Variants in TUT7 observed in about 807,000 individuals in gnomAD.
TUT7 encodes the protein terminal uridylyl transferase 7, also known as terminal uridylyltransferase 7.
TUT7 carries 33 observed loss-of-function variants against 165.9 expected under a neutral mutation model. That is an observed-to-expected ratio of 0.20 (90% CI 0.15 to 0.27). TUT7 has a LOEUF of 0.27. Among genes scored for constraint, TUT7 ranks in the 10% least tolerant of loss-of-function variants. The pLI, the probability that TUT7 is intolerant of heterozygous loss-of-function variation, is 1.00. For missense variants in TUT7, 1,338 were observed against 1,762.3 expected, an observed-to-expected ratio of 0.76 and a Z score of 4.31; for synonymous variants, 552 against 608.1, an observed-to-expected ratio of 0.91 and a Z score of 1.36.
rs185063344 is a variant in TUT7 at position 86,331,806 on chromosome 9, A to C, written c.1456-3314T>G. 1.6e-3 allele frequency among the ~76,000 whole-genome samples: 239 copies of C among 152,352 alleles called. 6 individuals are homozygous for C. In the East Asian group the frequency reaches 0.033, roughly 21 times the overall value. ...GAAGAATTTTTGCATAGCCCTATCAACAGAGTAAACAGACAACCTACAGAA... is the reference window on the plus strand; with the variant it reads ...GAAGAATTTTTGCATAGCCCTATCACCAGAGTAAACAGACAACCTACAGAA... On this transcript the variant is annotated intron_variant, in intron 10 of 26. Coordinates refer to ENST00000375963, the MANE Select transcript of TUT7 (RefSeq NM_024617.4).
At chr9:86,324,045 T>C (rs888526028) in intron 12 of TUT7, 85 bp from the exon 13 acceptor site, 16 of 1,168,184 alleles carry the variant, frequency 1.4e-5, no homozygotes, top group Admixed American at 6.8e-5. Flanking sequence ...CTGCTGCAGA[T>C]AAAAACAGAC....
Position 86,303,120 on chromosome 9 carries a change from C to T in TUT7, c.4060G>A (p.Gly1354Arg), listed in dbSNP as rs754226413. ...DRCCRICGKI[G>R]HFMKDCPMRR... is the part of the protein sequence containing the mutation. Reference sequence around the variant, plus strand: ...ATAGGACAGTCCTTCATGAAGTGTCCGATTTTTCCACAAATTCGACAACAT... The same window carrying T: ...ATAGGACAGTCCTTCATGAAGTGTCTGATTTTTCCACAAATTCGACAACAT... Residue 1354 changes from glycine (G) to arginine (R), a missense_variant, in exon 25 of 27, where the codon GGA becomes AGA. This residue lies in a region of TUT7 where 167 missense variants were observed against 204.9 expected (regional missense o/e 0.82). Transcript: ENST00000375963. 17 of 1,609,550 alleles carry T rather than the reference C, an allele frequency of 1.1e-5. No individual in the cohort carries two copies. Among genetic ancestry groups the T allele is most frequent in the Admixed American group, 1.7e-5 (1 of 59,484 alleles).
chr9:86,317,941 A>G (rs543990199), intron 16 of TUT7, among the ~76,000 whole-genome samples: 1 of 152,312 alleles, frequency 6.6e-6, no homozygotes, highest in African/African-American at 2.4e-5. Context: ...ATAAATAAAT[A>G]AATAAACCTT....
intron 9 of TUT7, among the ~76,000 whole-genome samples, chr9:86,337,807 T>C (rs1490141192): frequency 1.3e-5 from 2 of 152,248 alleles, no homozygotes; most frequent in African/African-American, 4.8e-5. Context: ...TTTCCTATTT[T>C]ATTTTTTGAT....
At chr9:86,300,024 A>C (rs995711252) in intron 26 of TUT7, among the ~76,000 whole-genome samples, 1 of 152,250 alleles carries the variant, frequency 6.6e-6, no homozygotes, top group Non-Finnish European at 1.5e-5. Context: ...CTCATAGTGA[A>C]TGCTCAATGA....
rs1032808865 is a variant in TUT7 at position 86,295,017 on chromosome 9, C to A, written c.4420+6259G>T. 2.0e-5 allele frequency among the ~76,000 whole-genome samples: 3 copies of A among 151,866 alleles called. 1 individual carries two copies. In the South Asian group the frequency reaches 6.2e-4, roughly 32 times the overall value. On this transcript the variant is annotated intron_variant, in intron 26 of 26. Transcript: ENST00000375963. Reference sequence around the variant, plus strand: ...AAATTCAATTTATAGAAAATAGGGCCTAGCTTGTTGCCCCTGTCATTTTTG... The same window carrying A: ...AAATTCAATTTATAGAAAATAGGGCATAGCTTGTTGCCCCTGTCATTTTTG...
At chr9:86,345,635 G>T in intron 4 of TUT7, 34 bp downstream of exon 4, 2 of 1,474,456 alleles carry the variant, frequency 1.4e-6, no homozygotes, top group South Asian at 2.3e-5. Context: ...CAACTAACAA[G>T]TAAGCAGACT....
chr9:86,341,142 T>C, intron 6 of TUT7, 89 bp from the exon 7 acceptor site: 2 of 1,077,064 alleles, frequency 1.9e-6, no homozygotes, highest in South Asian at 2.6e-5. Flanking sequence ...CCCAAATTCC[T>C]TTCTAAATGA....
At chr9:86,309,818 A>T in intron 19 of TUT7, 110 bp downstream of exon 19, 1 of 1,134,956 alleles carries the variant, frequency 8.8e-7, no homozygotes, top group Non-Finnish European at 1.3e-6. Flanking sequence ...AAATAGCTAC[A>T]TGAAGCATTT....
At chr9:86,321,729 A>T (rs700767) in intron 14 of TUT7, among the ~76,000 whole-genome samples, 84,495 of 151,896 alleles carry the variant, frequency 0.56, 23,712 homozygotes, top group African/African-American at 0.56. Flanking sequence ...ACCCTGTCTC[A>T]CCATCACCCT....
rs781686104 is a variant in TUT7, at chr9:86,337,408, A to T, written c.1455+11T>A. The T allele has an allele frequency of 1.2e-5, 19 of 1,595,538 alleles. No individual in the cohort carries two copies. The African/African-American group carries it at 2.2e-4, about 18-fold the overall frequency. ...CTGTTCAGATATATAAGCAAAAAAA[A>T]TGTTTTATACCCATGATCCTAGATA... On this transcript the variant is annotated intron_variant, in intron 10 of 26. Transcript: ENST00000375963.
Position 86,340,102 on chromosome 9 carries a change from G to A in TUT7, c.1142C>T (p.Ser381Phe), listed in dbSNP as rs757292298. 1 of 1,613,174 alleles carries A rather than the reference G, an allele frequency of 6.2e-7. No individual in the cohort carries two copies. Among genetic ancestry groups the A allele is most frequent in the Non-Finnish European group, 8.5e-7 (1 of 1,179,328 alleles). Residue 381 changes from serine (S) to phenylalanine (F), a missense_variant, in exon 8 of 27, where the codon TCC becomes TTC. Transcript: ENST00000375963. ...GAAGTCTGCATCAACATCAATAAAGGAGTCTGAGGAAAGAAGAAGAAAAAT... is the reference window on the plus strand; with the variant it reads ...GAAGTCTGCATCAACATCAATAAAGAAGTCTGAGGAAAGAAGAAGAAAAAT... ...LVQECLKNSD[S>F]FIDVDADFHA... is the part of the protein sequence containing the mutation.
intron 11 of TUT7, among the ~76,000 whole-genome samples, chr9:86,325,986 C>T (rs1829753390): frequency 6.6e-6 from 1 of 152,204 alleles, no homozygotes; most frequent in Non-Finnish European, 1.5e-5. Context: ...CACATTGACT[C>T]TGTCAGTGAC....
At chr9:86,306,138 AAAC>A (rs1166067215) in intron 22 of TUT7, among the ~76,000 whole-genome samples, 1 of 152,140 alleles carries the variant, frequency 6.6e-6, no homozygotes, top group East Asian at 1.9e-4. Context: ...CACATCCCTA[AAAC>A]AATATTCAAG....
chr9:86,301,415 C>T lies in TUT7; in HGVS notation c.4281G>A (p.Leu1427=). 1 of 1,614,184 alleles carries T rather than the reference C, an allele frequency of 6.2e-7. No individual in the cohort carries two copies. Among genetic ancestry groups the T allele is most frequent in the Non-Finnish European group, 8.5e-7 (1 of 1,180,018 alleles). ...KAKPMRAAAD[L]GREKILRPPV... ...GTGGCCTGAGGATCTTCTCCCTCCC[C>T]AGGTCAGCAGCTGCCCGCATTGGCT... Residue 1427 remains leucine (L), a synonymous_variant, in exon 26 of 27, where the codon CTG becomes CTA. Transcript: ENST00000375963.
Position 86,310,069 on chromosome 9 carries a change from T to C in TUT7, c.3379-52A>G, listed in dbSNP as rs765191114. The C allele has an allele frequency of 3.7e-6, 5 of 1,341,716 alleles. No homozygotes were observed. The East Asian group carries it at 8.2e-5, about 22-fold the overall frequency. 83.1% of individuals were successfully genotyped at this position (1,341,716 alleles called of 1,614,324 possible). A position where few individuals can be genotyped will look rare whatever the true frequency, so the allele number is the denominator to read the frequency against. Reference sequence around the variant, plus strand: ...GACTAACAATGAAGTGTAAAGGGTCTCTTTTTTTTTTTTGGTTGTTGTTTT... The same window carrying C: ...GACTAACAATGAAGTGTAAAGGGTCCCTTTTTTTTTTTTGGTTGTTGTTTT... On this transcript the variant is annotated intron_variant, in intron 18 of 26. Coordinates refer to ENST00000375963, the MANE Select transcript of TUT7 (RefSeq NM_024617.4).
intron 10 of TUT7, among the ~76,000 whole-genome samples, chr9:86,328,896 G>A (rs1407266580): frequency 1.3e-5 from 2 of 152,034 alleles, no homozygotes; most frequent in Admixed American, 6.6e-5. Flanking sequence ...CTTCCTTCAT[G>A]GGATGGTTAT....
At chr9:86,333,025 TCTCA>T (rs1444920187) in intron 10 of TUT7, among the ~76,000 whole-genome samples, 1 of 152,218 alleles carries the variant, frequency 6.6e-6, no homozygotes, top group Non-Finnish European at 1.5e-5. Context: ...TGAGAGTAGG[TCTCA>T]CTTTCTTGAC....
At chr9:86,295,525 T>A (rs1417199634) in intron 26 of TUT7, among the ~76,000 whole-genome samples, 1 of 152,114 alleles carries the variant, frequency 6.6e-6, no homozygotes, top group East Asian at 1.9e-4. Context: ...TAATAAGACA[T>A]GATTAAATAA....
Sources: gnomAD v4.1 joint callset for allele counts (sites outside exome capture counted in the v4.1 genomes callset) on GRCh38, gnomAD v4.1.1 for gene constraint, gnomAD v4.1.1 regional missense constraint, MANE v1.5 for transcripts, NCBI Gene and HGNC (gene_info 2026-07-23, HGNC 2026-07-21) for gene names.